CDC42BPA: variants seen among roughly 807,000 people sequenced by gnomAD.
CDC42BPA encodes CDC42 binding protein kinase alpha.
Under a neutral mutation model 223.5 loss-of-function variants are expected in CDC42BPA, and 80 were observed. That is an observed-to-expected ratio of 0.36 (90% CI 0.30 to 0.43). The LOEUF (loss-of-function observed/expected upper bound fraction) is 0.43. Among genes scored for constraint, CDC42BPA ranks in the 20% least tolerant of loss-of-function variants. The pLI, the probability that CDC42BPA is intolerant of heterozygous loss-of-function variation, is 1.00. For missense variants in CDC42BPA, 1,743 were observed against 2,099.9 expected (o/e 0.83, Z 3.32); for synonymous variants, 694 against 718.6 (o/e 0.97, Z 0.55).
At chr1:227,203,885 A>G (rs1013534125) in intron 3 of CDC42BPA, among the ~76,000 whole-genome samples, 1 of 152,248 alleles carries the variant, frequency 6.6e-6, no homozygotes, top group Non-Finnish European at 1.5e-5. Context: ...GTAATTCTGG[A>G]AAGTTGACAC....
At chr1:227,292,145 G>A (rs1689805137) in intron 1 of CDC42BPA, among the ~76,000 whole-genome samples, 1 of 151,984 alleles carries the variant, frequency 6.6e-6, no homozygotes, top group South Asian at 2.1e-4. Context: ...ACCATGCCCG[G>A]CTTATTTTTG....
intron 3 of CDC42BPA, among the ~76,000 whole-genome samples, chr1:227,211,569 T>C (rs1003545846): frequency 6.6e-6 from 1 of 152,154 alleles, no homozygotes; most frequent in Non-Finnish European, 1.5e-5. Flanking sequence ...TGTATGTATA[T>C]ATGTGTGTAC....
intron 5 of CDC42BPA, among the ~76,000 whole-genome samples, chr1:227,186,880 C>T (rs998310825): frequency 7.9e-5 from 12 of 152,270 alleles, no homozygotes; most frequent in African/African-American, 2.9e-4. Flanking sequence ...ATCGTCTTCT[C>T]GTTCCTGGAG....
chr1:227,316,429 T>C (rs1159957404), intron 1 of CDC42BPA, among the ~76,000 whole-genome samples: 1 of 152,232 alleles, frequency 6.6e-6, no homozygotes, highest in Non-Finnish European at 1.5e-5. Flanking sequence ...CTCTAACTAC[T>C]ATCACAAGAT....
At chr1:227,316,915 C>A in intron 1 of CDC42BPA, 90 bp downstream of exon 1, 2 of 907,020 alleles carry the variant, frequency 2.2e-6, no homozygotes, top group Non-Finnish European at 3.4e-6. Context: ...TTTCTTTGAA[C>A]GGAGTAGAGT....
chr1:227,063,749 A>C (rs1025583231), intron 21 of CDC42BPA, among the ~76,000 whole-genome samples: 2 of 152,116 alleles, frequency 1.3e-5, no homozygotes, highest in African/African-American at 4.8e-5. Context: ...TTTAAAATGT[A>C]TGTTTTAAAA....
At chr1:227,055,020 TTA>T (rs1260625810) in intron 21 of CDC42BPA, among the ~76,000 whole-genome samples, 3 of 152,006 alleles carry the variant, frequency 2.0e-5, no homozygotes, top group Admixed American at 1.3e-4. Flanking sequence ...ACTATGCCAT[TTA>T]TAGTGATAGT....
At chr1:227,204,854 A>G (rs1672379912) in intron 3 of CDC42BPA, among the ~76,000 whole-genome samples, 1 of 152,168 alleles carries the variant, frequency 6.6e-6, no homozygotes, top group Non-Finnish European at 1.5e-5. Flanking sequence ...TAAACTCACA[A>G]AAGTTTATCC....
At chr1:227,226,387 AG>A (rs1206717620) in intron 2 of CDC42BPA, among the ~76,000 whole-genome samples, 2 of 152,230 alleles carry the variant, frequency 1.3e-5, no homozygotes, top group African/African-American at 4.8e-5. Flanking sequence ...CTAGTATACT[AG>A]TTAAAACCCA....
chr1:227,258,930 T>G lies in CDC42BPA; in HGVS notation c.179-4775A>C, dbSNP rs542361843. ...ATAATAATCACTACGCTACTGCCCT[T>G]GACAAAAATCAAGGGCATATAAGGG... is the stretch of plus-strand genomic sequence containing the variant. On this transcript the variant is annotated intron_variant, in intron 1 of 36. Coordinates refer to ENST00000366766, the MANE Select transcript of CDC42BPA (RefSeq NM_001394014.1). Among the ~76,000 whole-genome samples, 120 of 151,214 alleles carry G rather than the reference T, an allele frequency of 7.9e-4. 6 individuals carry two copies. Among genetic ancestry groups the G allele is most frequent in the African/African-American group, 2.9e-3 (116 of 40,500 alleles).
chr1:227,225,702 G>A (rs372655826), intron 2 of CDC42BPA, among the ~76,000 whole-genome samples: 14 of 151,998 alleles, frequency 9.2e-5, no homozygotes, highest in Middle Eastern at 3.4e-3. Flanking sequence ...TCTTTCTGCC[G>A]CAATTCTTTC....
At chr1:227,241,704 A>C (rs1484226159) in intron 2 of CDC42BPA, among the ~76,000 whole-genome samples, 1 of 152,184 alleles carries the variant, frequency 6.6e-6, no homozygotes, top group Non-Finnish European at 1.5e-5. Flanking sequence ...AAAACTTCCC[A>C]GGGTGACAGA....
chr1:227,183,855 AT>A (rs2150063041), intron 5 of CDC42BPA, among the ~76,000 whole-genome samples: 1 of 152,324 alleles, frequency 6.6e-6, no homozygotes, highest in South Asian at 2.1e-4. Context: ...CCTTGCTAGC[AT>A]TTAGTATTAG....
chr1:227,222,814 A>C (rs1471639235), intron 2 of CDC42BPA, among the ~76,000 whole-genome samples: 1 of 152,244 alleles, frequency 6.6e-6, no homozygotes, highest in African/African-American at 2.4e-5. Flanking sequence ...ATACATGTTA[A>C]ATAAATTTGT....
chr1:227,129,964 C>G (rs1386735933), intron 10 of CDC42BPA, among the ~76,000 whole-genome samples: 4 of 151,944 alleles, frequency 2.6e-5, no homozygotes, highest in African/African-American at 9.7e-5. Flanking sequence ...TGAGGCCCAG[C>G]TACAGGTAAC....
intron 11 of CDC42BPA, among the ~76,000 whole-genome samples, chr1:227,122,422 T>G (rs1688808737): frequency 6.6e-6 from 1 of 152,200 alleles, no homozygotes; most frequent in Non-Finnish European, 1.5e-5. Flanking sequence ...CCATATAAAG[T>G]TTGTAACAGA....
At chr1:227,218,206 G>T (rs559708111) in intron 2 of CDC42BPA, among the ~76,000 whole-genome samples, 1 of 151,970 alleles carries the variant, frequency 6.6e-6, no homozygotes, top group Non-Finnish European at 1.5e-5. Flanking sequence ...TATGACAAAA[G>T]AGATACAACT....
At chr1:227,140,304 G>C (rs59523055) in intron 9 of CDC42BPA, among the ~76,000 whole-genome samples, 4,813 of 152,112 alleles carry the variant, frequency 0.032, 229 homozygotes, top group African/African-American at 0.11. Context: ...CATTACATTA[G>C]AAAATGTTAA....
intron 2 of CDC42BPA, among the ~76,000 whole-genome samples, chr1:227,240,453 A>G (rs12065126): frequency 0.21 from 31,162 of 151,952 alleles, 3,296 homozygotes; most frequent in East Asian, 0.26. Context: ...TAATTAAAAC[A>G]ATCTTGAAAA....
Sources: gnomAD v4.1 joint callset for allele counts (sites outside exome capture counted in the v4.1 genomes callset) on GRCh38, gnomAD v4.1.1 for gene constraint, MANE v1.5 for transcripts, NCBI Gene and HGNC (gene_info 2026-07-23, HGNC 2026-07-21) for gene names.